ADCY2: variants seen among roughly 807,000 people sequenced by gnomAD.
ADCY2 encodes adenylate cyclase 2.
A neutral mutation model predicts 125.2 loss-of-function variants in ADCY2; 31 were observed. That is an observed-to-expected ratio of 0.25 (90% confidence interval 0.19 to 0.33). ADCY2 has a LOEUF of 0.33. Among genes scored for constraint, ADCY2 ranks in the 10% least tolerant of loss-of-function variants. The pLI is 1.00. For missense variants in ADCY2, 904 were observed against 1,418.2 expected (o/e 0.64, Z 5.82); for synonymous variants, 512 against 548.4 (o/e 0.93, Z 0.93).
At chr5:7,439,524 T>G (rs944190193) in intron 2 of ADCY2, among the ~76,000 whole-genome samples, 11 of 59,818 alleles carry the variant, frequency 1.8e-4, no homozygotes, top group African/African-American at 7.0e-4. Context: ...CAAATTGGGT[T>G]AAGATACACA....
At chr5:7,478,428 TACATAAGTGTGTATATATAAA>T (rs1742599463) in intron 2 of ADCY2, among the ~76,000 whole-genome samples, 1 of 152,236 alleles carries the variant, frequency 6.6e-6, no homozygotes, top group South Asian at 2.1e-4. Flanking sequence ...TTTTTGTGTA[TACATAAGTGTGTATATATAAA>T]CTCTTTATAA....
chr5:7,712,849 A>G lies in ADCY2; in HGVS notation c.1579-7A>G, dbSNP rs533437958. On this transcript the variant is annotated splice_polypyrimidine_tract_variant and splice_region_variant and intron_variant, in intron 10 of 24. Transcript: ENST00000338316. ...TTGACAATTAATAACCTTTTTTCTCAATATAGGATGTACCCATGGGTCAGC... is the reference window on the plus strand; with the variant it reads ...TTGACAATTAATAACCTTTTTTCTCGATATAGGATGTACCCATGGGTCAGC... 3 of 1,597,212 alleles carry G rather than the reference A, an allele frequency of 1.9e-6. No homozygotes were observed. The East Asian group carries it at 6.7e-5, about 36-fold the overall frequency.
chr5:7,570,394 C>T (rs543547046), intron 3 of ADCY2, among the ~76,000 whole-genome samples: 59 of 152,036 alleles, frequency 3.9e-4, no homozygotes, highest in African/African-American at 1.4e-3. Flanking sequence ...TTTTCTTCAA[C>T]ATTTCATGTA....
At chr5:7,444,380 G>A (rs1741149842) in intron 2 of ADCY2, among the ~76,000 whole-genome samples, 3 of 151,978 alleles carry the variant, frequency 2.0e-5, no homozygotes. Flanking sequence ...CTCCCAAAGT[G>A]CTGTGATTAC....
At chr5:7,565,849 G>A (rs998131439) in intron 3 of ADCY2, among the ~76,000 whole-genome samples, 2 of 152,166 alleles carry the variant, frequency 1.3e-5, no homozygotes, top group Non-Finnish European at 2.9e-5. Context: ...AGAGCACTGA[G>A]TCCTGAGCAA....
intron 2 of ADCY2, among the ~76,000 whole-genome samples, chr5:7,419,942 A>G (rs1740127922): frequency 6.6e-6 from 1 of 152,158 alleles, no homozygotes; most frequent in South Asian, 2.1e-4. Flanking sequence ...TTCCAAGTGC[A>G]GAGACGAAGG....
At chr5:7,597,967 G>A in intron 3 of ADCY2, among the ~76,000 whole-genome samples, 1 of 152,254 alleles carries the variant, frequency 6.6e-6, no homozygotes, top group African/African-American at 2.4e-5. Context: ...TCTCCAGTGG[G>A]CAATCCAGCC....
chr5:7,396,647 T>A lies in ADCY2; in HGVS notation c.210+141T>A. The A allele has an allele frequency of 1.7e-5, 8 of 460,684 alleles. No individual in the cohort carries two copies. The highest frequency in any genetic ancestry group is 4.9e-5 in the East Asian group (1 of 20,416). 28.5% of individuals were successfully genotyped at this position (460,684 alleles called of 1,614,324 possible). A position where few individuals can be genotyped will look rare whatever the true frequency, so the allele number is the denominator to read the frequency against. On this transcript the variant is annotated intron_variant, in intron 1 of 24. Coordinates refer to ENST00000338316, the MANE Select transcript of ADCY2 (RefSeq NM_020546.3). This position sits in a 1 kb window ranked among gnomAD's most constrained non-coding sequence, Gnocchi z 5.7. ...CCGCGGCAGCCCCTCGGCCCGCGGC[T>A]CCCTGCTTCTCCTGCTGGCCCGCGG...
chr5:7,714,858 G>A lies in ADCY2; in HGVS notation c.1622+1959G>A, dbSNP rs1747322507. 2.6e-5 allele frequency among the ~76,000 whole-genome samples: 4 copies of A among 152,220 alleles called. No homozygotes were observed. The South Asian group carries it at 8.3e-4, about 32-fold the overall frequency. On this transcript the variant is annotated intron_variant, in intron 11 of 24. Coordinates refer to ENST00000338316, the MANE Select transcript of ADCY2 (RefSeq NM_020546.3). ...CCTCCAGCCTGGCCCACACACTCCT[G>A]TCACATGTCCCTCCCCATGCCTGCT...
intron 4 of ADCY2, among the ~76,000 whole-genome samples, chr5:7,676,819 C>A (rs1740142129): frequency 6.6e-6 from 1 of 152,154 alleles, no homozygotes. Context: ...CAAGAATGAA[C>A]AGAAGAGAAA....
chr5:7,422,761 G>A (rs189280652), intron 2 of ADCY2, among the ~76,000 whole-genome samples: 24 of 152,268 alleles, frequency 1.6e-4, no homozygotes, highest in Middle Eastern at 3.4e-3. Flanking sequence ...ATGTGCATAT[G>A]TGTCCTTTCT....
intron 4 of ADCY2, among the ~76,000 whole-genome samples, chr5:7,630,048 C>G (rs1348086713): frequency 1.3e-5 from 2 of 152,124 alleles, no homozygotes; most frequent in African/African-American, 4.8e-5. Flanking sequence ...TCAAATATGA[C>G]AGAACATTCC....
chr5:7,638,853 A>G (rs555265147), intron 4 of ADCY2, among the ~76,000 whole-genome samples: 29 of 152,232 alleles, frequency 1.9e-4, no homozygotes, highest in Non-Finnish European at 7.4e-5. Flanking sequence ...TAGCTCCCAT[A>G]ATTCCCATGT....
chr5:7,554,628 A>G (rs2126578489), intron 3 of ADCY2, among the ~76,000 whole-genome samples: 1 of 152,292 alleles, frequency 6.6e-6, no homozygotes, highest in African/African-American at 2.4e-5. Flanking sequence ...TGGCCAGATC[A>G]ACTTCCTTTA....
chr5:7,757,477 T>C lies in ADCY2; in HGVS notation c.1985T>C (p.Leu662Pro), dbSNP rs1448823326. 1.2e-6 allele frequency: 2 copies of C among 1,614,142 alleles called. No homozygotes were observed. The highest frequency in any genetic ancestry group is 1.7e-6 in the Non-Finnish European group (2 of 1,180,012). ...LQCSKKASPL[L>P]MWLLKSSGII... is the part of the protein sequence containing the mutation. ...TGCAGCAAAAAAGCCTCTCCCCTGC[T>C]CATGTGGCTTTTGAAGTCCTCGGGC... The change falls in exon 16 of 25, where the codon CTC (leucine) becomes CCC (proline). Residue 662 changes from leucine to proline, a missense_variant. Leu to Pro is a moderately conservative substitution (Grantham distance 98, BLOSUM62 -3). Coordinates refer to ENST00000338316, the MANE Select transcript of ADCY2 (RefSeq NM_020546.3).
chr5:7,748,208 G>C (rs1742689186), intron 15 of ADCY2, among the ~76,000 whole-genome samples: 1 of 152,154 alleles, frequency 6.6e-6, no homozygotes, highest in Non-Finnish European at 1.5e-5. Flanking sequence ...AGATGGCTTA[G>C]CAGGAGGGCG....
chr5:7,727,510 T>A (rs1439923005), intron 14 of ADCY2, among the ~76,000 whole-genome samples: 1 of 152,160 alleles, frequency 6.6e-6, no homozygotes, highest in Non-Finnish European at 1.5e-5. Flanking sequence ...CAATTTAACC[T>A]TCTTGTTTTG....
chr5:7,659,594 A>G (rs1372508007), intron 4 of ADCY2, among the ~76,000 whole-genome samples: 1 of 152,228 alleles, frequency 6.6e-6, no homozygotes, highest in African/African-American at 2.4e-5. Context: ...TCTTATGTCC[A>G]TAGCTTGTAA....
intron 4 of ADCY2, among the ~76,000 whole-genome samples, chr5:7,678,573 T>A (rs1407593975): frequency 1.3e-5 from 2 of 152,214 alleles, no homozygotes; most frequent in Admixed American, 1.3e-4. Context: ...TTTATATACA[T>A]CTTCCAATCA....
Sources: allele counts gnomAD v4.1 joint callset (sites outside exome capture counted in the v4.1 genomes callset), GRCh38; gene constraint gnomAD v4.1.1; non-coding constraint Gnocchi (gnomAD v3.1); transcripts MANE v1.5; gene names NCBI Gene and HGNC (gene_info 2026-07-23, HGNC 2026-07-21).